The following FHL5 variants were observed in gnomAD, a reference collection of about 807,000 sequenced individuals.
The protein encoded by FHL5 is four and a half LIM domains protein 5.
In FHL5, 33 loss-of-function variants were observed where a neutral mutation model predicts 32.0. The ratio of observed to expected loss-of-function variants is 1.03; its 90% CI spans 0.78 to 1.38. FHL5 has a LOEUF of 1.38. Among genes scored for constraint, FHL5 ranks in the 40% most tolerant of loss-of-function variants. The pLI is 0.00. For missense variants in FHL5, 336 were observed against 343.9 expected (o/e 0.98, Z 0.18); for synonymous variants, 114 against 113.6 (o/e 1.00, Z -0.02).
chr6:96,602,422 G>GTTCCTTTTTTTTTTTTTTTTT (rs1562062425), intron 1 of FHL5, among the ~76,000 whole-genome samples: 1 of 26,584 alleles, frequency 3.8e-5, no homozygotes, highest in African/African-American at 1.1e-4. Context: ...TATATGCGTT[G>GTTCCTTTTTTTTTTTTTTTTT]TTTCTTTTTT....
intron 1 of FHL5, among the ~76,000 whole-genome samples, chr6:96,594,484 C>T (rs541386374): frequency 2.0e-5 from 3 of 151,332 alleles, no homozygotes; most frequent in East Asian, 3.9e-4. Context: ...TAAATTAGGC[C>T]GACCTCTGGG....
At chr6:96,611,883 T>C (rs542721931) in intron 5 of FHL5, among the ~76,000 whole-genome samples, 10 of 152,332 alleles carry the variant, frequency 6.6e-5, no homozygotes, top group African/African-American at 2.4e-4. Context: ...GCTCACGGGC[T>C]ACATCTGGCA....
intron 1 of FHL5, among the ~76,000 whole-genome samples, chr6:96,591,104 G>A (rs1000044067): frequency 3.3e-5 from 5 of 152,046 alleles, no homozygotes; most frequent in Non-Finnish European, 7.4e-5. Context: ...ATTTACCAGA[G>A]CATGTTCTCT....
chr6:96,605,139 T>C (rs115195922), intron 3 of FHL5, among the ~76,000 whole-genome samples: 1,660 of 152,360 alleles, frequency 0.011, 31 homozygotes, highest in African/African-American at 0.031. Context: ...TATTTTCATA[T>C]AGTCTAATTC....
At chr6:96,564,614 T>C (rs1389844034) in intron 1 of FHL5, among the ~76,000 whole-genome samples, 1 of 152,200 alleles carries the variant, frequency 6.6e-6, no homozygotes, top group Non-Finnish European at 1.5e-5. Flanking sequence ...TTTTCTACTA[T>C]AATATTACAA....
At chr6:96,588,211 CT>C (rs1770840815) in intron 1 of FHL5, among the ~76,000 whole-genome samples, 1 of 152,112 alleles carries the variant, frequency 6.6e-6, no homozygotes, top group South Asian at 2.1e-4. Flanking sequence ...CCTGTTATTT[CT>C]TTCTTTCTTT....
intron 1 of FHL5, among the ~76,000 whole-genome samples, chr6:96,601,063 C>G (rs1357844484): frequency 6.6e-6 from 1 of 152,188 alleles, no homozygotes; most frequent in Non-Finnish European, 1.5e-5. Context: ...AGGCCAGGCG[C>G]GGTGGCTCAC....
Position 96,606,027 on chromosome 6 carries a change from T to C in FHL5, c.460T>C (p.Cys154Arg). 6.2e-7 allele frequency: 1 copy of C among 1,613,990 alleles called. No individual in the cohort carries two copies. Among genetic ancestry groups the C allele is most frequent in the East Asian group, 2.2e-5 (1 of 44,884 alleles). ...SKESGNYCVP[C>R]FEKEFAHYCN... ...AGAGAGTGGCAATTATTGTGTGCCA[T>C]GTTTTGAGAAGGAGTTTGCTCACTA... is the stretch of plus-strand genomic sequence containing the variant. Residue 154 changes from cysteine to arginine, a missense_variant, in exon 4 of 6, where the codon TGT (cysteine) becomes CGT (arginine). Cys to Arg is a radical substitution (Grantham distance 180). Coordinates refer to ENST00000450218, the MANE Select transcript of FHL5 (RefSeq NM_001322466.2).
chr6:96,567,273 G>C (rs1166943780), intron 1 of FHL5, among the ~76,000 whole-genome samples: 1 of 151,872 alleles, frequency 6.6e-6, no homozygotes, highest in Non-Finnish European at 1.5e-5. Flanking sequence ...GTTCTTGGCA[G>C]CTTTGTTGAA....
intron 1 of FHL5, among the ~76,000 whole-genome samples, chr6:96,577,218 G>T (rs1770601741): frequency 6.6e-6 from 1 of 152,154 alleles, no homozygotes. Flanking sequence ...TGTAATTATT[G>T]ATTAGTGTTA....
chr6:96,603,594 A>G lies in FHL5; in HGVS notation c.-12-8A>G. The stretch of plus-strand genomic sequence containing the variant: ...TTTTATATACATTAATCACTTTGTC[A>G]TTCATAGGATCAAACCAAAATGACA... On this transcript the variant is annotated splice_polypyrimidine_tract_variant and splice_region_variant and intron_variant, in intron 1 of 5. Coordinates refer to ENST00000450218, the MANE Select transcript of FHL5 (RefSeq NM_001322466.2). 6.2e-7 allele frequency: 1 copy of G among 1,602,346 alleles called. No individual in the cohort carries two copies. Among genetic ancestry groups the G allele is most frequent in the Non-Finnish European group, 8.5e-7 (1 of 1,174,676 alleles).
chr6:96,603,688 C>T lies in FHL5; in HGVS notation c.75C>T (p.Asp25=), dbSNP rs1259478097. ...LLGKKYVLKD[D]SPYCVTCYDR... ...GGAAGAAATATGTACTAAAGGATGA[C>T]AGTCCATACTGTGTTACATGTTATG... Residue 25 remains aspartate, a synonymous_variant, in exon 2 of 6, where the codon GAC becomes GAT. Coordinates refer to ENST00000450218, the MANE Select transcript of FHL5 (RefSeq NM_001322466.2). 1 of 1,610,662 alleles carries T rather than the reference C, an allele frequency of 6.2e-7. No homozygotes were observed. Among genetic ancestry groups the T allele is most frequent in the South Asian group, 1.1e-5 (1 of 90,908 alleles).
chr6:96,606,699 A>T (rs1054721696), intron 4 of FHL5, among the ~76,000 whole-genome samples: 14 of 152,168 alleles, frequency 9.2e-5, no homozygotes, highest in Non-Finnish European at 1.3e-4. Flanking sequence ...GAGAAAGCAC[A>T]GGTCTCTCTT....
chr6:96,598,419 G>A (rs1362199071), intron 1 of FHL5, among the ~76,000 whole-genome samples: 3 of 152,172 alleles, frequency 2.0e-5, no homozygotes, highest in Admixed American at 1.3e-4. Context: ...CCAACTTGAA[G>A]AAGGATAAAA....
At chr6:96,570,883 T>G (rs1770462055) in intron 1 of FHL5, among the ~76,000 whole-genome samples, 1 of 152,094 alleles carries the variant, frequency 6.6e-6, no homozygotes. Context: ...AATTTTTCAT[T>G]TATATTGTGA....
rs1771502694 is a variant in FHL5, at chr6:96,615,664, C to A, written c.747C>A (p.Cys249Ter). 6.2e-7 allele frequency: 1 copy of A among 1,613,240 alleles called. No homozygotes were observed. Among genetic ancestry groups the A allele is most frequent in the Non-Finnish European group, 8.5e-7 (1 of 1,179,644 alleles). The change falls in exon 6 of 6, where the codon TGC (cysteine) becomes TGA (stop). Residue 249 changes from cysteine to a stop codon, truncating the protein, a stop_gained. Transcript: ENST00000450218. LOFTEE classifies it high-confidence loss of function. ...AAGACAGCCAGTGGCATAGCGAATG[C>A]TTTAACTGCGGGAAATGCTCTGTCT... ...CFQDSQWHSE[C>*]FNCGKCSVSL...
intron 5 of FHL5, among the ~76,000 whole-genome samples, chr6:96,612,565 G>A (rs1771433025): frequency 1.3e-5 from 2 of 152,034 alleles, no homozygotes; most frequent in Admixed American, 6.6e-5. Context: ...CAATCACTGG[G>A]CCCAGCTTTT....
chr6:96,594,230 TATATATATATATATATA>T (rs1770982928), intron 1 of FHL5, among the ~76,000 whole-genome samples: 4 of 9,354 alleles, frequency 4.3e-4, no homozygotes, highest in Admixed American at 8.9e-4. Context: ...TTAGAATTTA[TATATATATATATATATA>T]TATATATATA....
chr6:96,608,688 A>T (rs1413623074), intron 4 of FHL5, among the ~76,000 whole-genome samples: 2 of 152,172 alleles, frequency 1.3e-5, no homozygotes, highest in Admixed American at 1.3e-4. Flanking sequence ...CTGTCACATA[A>T]TGAGTGCAAA....
Sources: allele counts gnomAD v4.1 joint callset (sites outside exome capture counted in the v4.1 genomes callset), GRCh38; gene constraint gnomAD v4.1.1; transcripts MANE v1.5; gene names NCBI Gene and HGNC (gene_info 2026-07-23, HGNC 2026-07-21).